ADGRB3: variants seen among roughly 807,000 people sequenced by gnomAD.
The protein encoded by ADGRB3 is adhesion G protein-coupled receptor B3.
ADGRB3 carries 37 observed loss-of-function variants against 193.4 expected under a neutral mutation model. The observed-to-expected ratio is 0.19, with a 90% confidence interval of 0.15 to 0.25. ADGRB3 has a LOEUF of 0.25. ADGRB3 is among the 10% of genes least tolerant of loss of function. The pLI is 1.00. For synonymous variants in ADGRB3, 690 were observed against 644.2 expected (o/e 1.07, Z -1.08); for missense variants, 1,637 against 1,852.9 (o/e 0.88, Z 2.14).
chr6:69,146,821 C>CTTTTTTTTTTTTTTTTTT lies in ADGRB3; in HGVS notation c.2480+70787_2480+70804dup, dbSNP rs756561473. Reference sequence around the variant, plus strand: ...TACTATCGCTTCAATCTCATTACTTCTTTTTTTTTTTTTTTTTTTTTGGTC... The same window carrying CTTTTTTTTTTTTTTTTTT: ...TACTATCGCTTCAATCTCATTACTTCTTTTTTTTTTTTTTTTTTTTTTTTTTTTTTTTTTTTTTTGGTC... On this transcript the variant is annotated intron_variant, in intron 17 of 31. Coordinates refer to ENST00000370598, the MANE Select transcript of ADGRB3 (RefSeq NM_001704.3). 3.5e-4 allele frequency among the ~76,000 whole-genome samples: 36 copies of CTTTTTTTTTTTTTTTTTT among 103,234 alleles called. 1 individual carries two copies. Among genetic ancestry groups the CTTTTTTTTTTTTTTTTTT allele is most frequent in the Non-Finnish European group, 3.9e-4 (21 of 54,320 alleles). The allele number at this position is 103,234 out of a possible 152,430, so 67.7% of individuals were successfully genotyped here.
chr6:69,049,189 T>C lies in ADGRB3; in HGVS notation c.2258-82T>C, dbSNP rs1771322736. The C allele has an allele frequency of 7.9e-6, 8 of 1,006,448 alleles. No homozygotes were observed. The South Asian group carries it at 1.2e-4, about 15-fold the overall frequency. 62.3% of individuals were successfully genotyped at this position (1,006,448 alleles called of 1,614,324 possible). ...TTTGCCTAAGGAAGTACTGGAATTA[T>C]CTTGTAATTAGCAGATTAAAGTTTT... On this transcript the variant is annotated intron_variant, in intron 14 of 31. Coordinates refer to ENST00000370598, the MANE Select transcript of ADGRB3 (RefSeq NM_001704.3).
At chr6:68,988,044 A>G (rs896623672) in intron 10 of ADGRB3, among the ~76,000 whole-genome samples, 2 of 152,076 alleles carry the variant, frequency 1.3e-5, no homozygotes, top group Non-Finnish European at 2.9e-5. Flanking sequence ...ACATTTGTGG[A>G]TTATAGTTGA....
chr6:69,349,957 C>CA (rs1449394786), intron 26 of ADGRB3, among the ~76,000 whole-genome samples: 1 of 152,178 alleles, frequency 6.6e-6, no homozygotes, highest in Non-Finnish European at 1.5e-5. Context: ...TCTTCCCTAG[C>CA]AGTCTCTAAC....
chr6:68,922,479 C>T (rs1309798480), intron 3 of ADGRB3, among the ~76,000 whole-genome samples: 4 of 152,210 alleles, frequency 2.6e-5, no homozygotes, highest in African/African-American at 7.2e-5. Flanking sequence ...AACGAAACAA[C>T]TCTTATGTTA....
rs375940312 is a variant in ADGRB3 at position 69,172,264 on chromosome 6, C to T, written c.2481-61026C>T. 1.2e-3 allele frequency among the ~76,000 whole-genome samples: 186 copies of T among 152,242 alleles called. 2 individuals are homozygous for T. In the South Asian group the frequency reaches 0.031, roughly 25 times the overall value. On this transcript the variant is annotated intron_variant, in intron 17 of 31. Transcript: ENST00000370598. The stretch of plus-strand genomic sequence containing the variant: ...GAAAAACCAAACCTAATTATGCCTA[C>T]CTCTGGTGGTATAGCAATGACCAAT...
At chr6:68,793,474 C>T (rs6920537) in intron 3 of ADGRB3, among the ~76,000 whole-genome samples, 119,886 of 152,082 alleles carry the variant, frequency 0.79, 47,464 homozygotes, top group Middle Eastern at 0.91. Context: ...TGTGGATGAA[C>T]TTGTTTTTAT....
At chr6:69,322,641 C>T (rs141040639) in intron 20 of ADGRB3, among the ~76,000 whole-genome samples, 3 of 151,836 alleles carry the variant, frequency 2.0e-5, no homozygotes, top group African/African-American at 4.8e-5. Context: ...ACTTGTTGGC[C>T]GAGTGTTTGA....
intron 24 of ADGRB3, among the ~76,000 whole-genome samples, chr6:69,333,993 AAATAAAATAAAATAAAATAAAAT>A (rs1768786923): frequency 8.3e-6 from 1 of 120,738 alleles, no homozygotes; most frequent in African/African-American, 3.3e-5. Flanking sequence ...AAATAAAATA[AAATAAAATAAAATAAAATAAAAT>A]AAAAAATATG....
intron 11 of ADGRB3, among the ~76,000 whole-genome samples, chr6:69,013,456 T>C (rs1296888128): frequency 6.6e-6 from 1 of 152,094 alleles, no homozygotes; most frequent in African/African-American, 2.4e-5. Context: ...AGTAATAATT[T>C]GAAAACCTGC....
chr6:69,109,824 TA>T (rs1773318642), intron 17 of ADGRB3, among the ~76,000 whole-genome samples: 1 of 152,168 alleles, frequency 6.6e-6, no homozygotes, highest in South Asian at 2.1e-4. Context: ...ATCAATAACA[TA>T]TGCAAAAAAT....
At chr6:68,740,180 A>C (rs1765952121) in intron 3 of ADGRB3, among the ~76,000 whole-genome samples, 1 of 152,156 alleles carries the variant, frequency 6.6e-6, no homozygotes, top group African/African-American at 2.4e-5. Context: ...GCTTTATTTT[A>C]GGGAATGGAA....
rs1481935762 is a variant in ADGRB3, at chr6:69,365,679, T to C, written c.4239+4167T>C. On this transcript the variant is annotated intron_variant, in intron 29 of 31. Transcript: ENST00000370598. ...TTGTCTATTTGTGTATAAGCTTACC[T>C]ATATGTCTGAAACCAAATAAGTCTC... 2.0e-5 allele frequency among the ~76,000 whole-genome samples: 3 copies of C among 152,102 alleles called. No individual in the cohort carries two copies. The East Asian group carries it at 5.8e-4, about 29-fold the overall frequency.
rs148223385 is a variant in ADGRB3 at position 69,069,302 on chromosome 6, T to C, written c.2436+6266T>C. ...CTTTAAGGGACTGTAGAACTGTTCA[T>C]ATGTTAAAAGACATGACACTGAAAT... On this transcript the variant is annotated intron_variant, in intron 16 of 31. Coordinates refer to ENST00000370598, the MANE Select transcript of ADGRB3 (RefSeq NM_001704.3). 3.1e-3 allele frequency among the ~76,000 whole-genome samples: 473 copies of C among 152,172 alleles called. 1 individual carries two copies. The highest frequency in any genetic ancestry group is 0.011 in the African/African-American group (441 of 41,528).
rs1205327121 is a variant in ADGRB3, at chr6:69,096,456, CATTAACA to C, written c.2480+20423_2480+20429del. 6.7e-5 allele frequency among the ~76,000 whole-genome samples: 10 copies of C among 150,344 alleles called. No individual in the cohort carries two copies. In the East Asian group the frequency reaches 1.8e-3, roughly 27 times the overall value. On this transcript the variant is annotated intron_variant, in intron 17 of 31. Transcript: ENST00000370598. ...AGATTTTTCCTGAGATCAAGAAAAC[CATTAACA>C]ATTATGTTAACTATTTGATGCCACT... is the stretch of plus-strand genomic sequence containing the variant.
chr6:69,011,829 T>G (rs529956925), intron 11 of ADGRB3, among the ~76,000 whole-genome samples: 51 of 152,116 alleles, frequency 3.4e-4, no homozygotes, highest in African/African-American at 1.2e-3. Flanking sequence ...ACATTCAGAC[T>G]TAGCTCACTG....
At chr6:68,811,077 T>C (rs904599535) in intron 3 of ADGRB3, among the ~76,000 whole-genome samples, 3 of 150,872 alleles carry the variant, frequency 2.0e-5, no homozygotes, top group Non-Finnish European at 4.4e-5. Flanking sequence ...TATGAGGAGA[T>C]ATATATATAT....
chr6:68,821,210 T>A (rs565363239), intron 3 of ADGRB3, among the ~76,000 whole-genome samples: 8 of 152,208 alleles, frequency 5.3e-5, no homozygotes, highest in Admixed American at 3.9e-4. Flanking sequence ...TCTTTGTTTT[T>A]ACCATGTCTT....
At chr6:68,962,287 T>C (rs1484271763) in intron 8 of ADGRB3, among the ~76,000 whole-genome samples, 1 of 152,184 alleles carries the variant, frequency 6.6e-6, no homozygotes, top group Non-Finnish European at 1.5e-5. Flanking sequence ...TATTTTAGTC[T>C]ACAGTTCTGC....
chr6:68,701,569 G>A lies in ADGRB3; in HGVS notation c.757+62137G>A, dbSNP rs542626214. Among the ~76,000 whole-genome samples, 10 of 152,300 alleles carry A rather than the reference G, an allele frequency of 6.6e-5. No homozygotes were observed. In the South Asian group the frequency reaches 1.7e-3, roughly 25 times the overall value. On this transcript the variant is annotated intron_variant, in intron 3 of 31. Coordinates refer to ENST00000370598, the MANE Select transcript of ADGRB3 (RefSeq NM_001704.3). ...AGAGGAGAAAAGTTTGCATTTGCAAGTTGGTGTGGCTATTATTATAGCTCC... is the reference window on the plus strand; with the variant it reads ...AGAGGAGAAAAGTTTGCATTTGCAAATTGGTGTGGCTATTATTATAGCTCC...
Sources: gnomAD v4.1 joint callset for allele counts (sites outside exome capture counted in the v4.1 genomes callset) on GRCh38, gnomAD v4.1.1 for gene constraint, MANE v1.5 for transcripts, NCBI Gene and HGNC (gene_info 2026-07-23, HGNC 2026-07-21) for gene names.